MECOM: variants seen among roughly 807,000 people sequenced by gnomAD.
MECOM encodes histone-lysine N-methyltransferase MECOM.
A neutral mutation model predicts 116.3 loss-of-function variants in MECOM; 13 were observed. The ratio of observed to expected loss-of-function variants is 0.11; its 90% CI spans 0.07 to 0.18. The LOEUF (loss-of-function observed/expected upper bound fraction) is 0.18, where lower values mean the gene tolerates loss of function less well. MECOM is among the 10% of genes least tolerant of loss of function. The pLI, the probability that MECOM is intolerant of heterozygous loss-of-function variation, is 1.00. For missense variants in MECOM, 1,299 were observed against 1,509.0 expected, an observed-to-expected ratio of 0.86 and a Z score of 2.31; for synonymous variants, 528 against 535.2, an observed-to-expected ratio of 0.99 and a Z score of 0.19.
At chr3:169,634,941 T>C (rs1028886951) in intron 1 of MECOM, among the ~76,000 whole-genome samples, 6 of 151,800 alleles carry the variant, frequency 4.0e-5, no homozygotes, top group Non-Finnish European at 5.9e-5. Flanking sequence ...AGCACCTTGT[T>C]TTTCTGTTGG....
At chr3:169,384,720 T>C (rs764260304) in intron 1 of MECOM, among the ~76,000 whole-genome samples, 30 of 152,092 alleles carry the variant, frequency 2.0e-4, no homozygotes, top group Non-Finnish European at 3.1e-4. Flanking sequence ...ATTCCTCCCG[T>C]AATTATCTAT....
intron 2 of MECOM, among the ~76,000 whole-genome samples, chr3:169,170,403 C>CAAAA (rs71634426): frequency 8.1e-5 from 6 of 74,358 alleles, no homozygotes; most frequent in Non-Finnish European, 1.3e-4. Context: ...AAGACTCTGT[C>CAAAA]AAAAAAAAAA....
chr3:169,509,763 A>G (rs1474527673), intron 1 of MECOM, among the ~76,000 whole-genome samples: 2 of 152,204 alleles, frequency 1.3e-5, no homozygotes, highest in East Asian at 1.9e-4. Flanking sequence ...TCATCTGCCA[A>G]TGGGCATTTA....
chr3:169,404,526 A>C (rs1736365187), intron 1 of MECOM, among the ~76,000 whole-genome samples: 1 of 152,214 alleles, frequency 6.6e-6, no homozygotes, highest in Admixed American at 6.5e-5. Context: ...ACAATCCAAA[A>C]ATCTTTAAAA....
chr3:169,386,383 A>G (rs1435555466), intron 1 of MECOM, among the ~76,000 whole-genome samples: 1 of 152,202 alleles, frequency 6.6e-6, no homozygotes, highest in African/African-American at 2.4e-5. Context: ...AGCTGAGACT[A>G]GCTGGGTGTC....
At chr3:169,206,743 A>C (rs1424563318) in intron 2 of MECOM, among the ~76,000 whole-genome samples, 3 of 137,166 alleles carry the variant, frequency 2.2e-5, no homozygotes, top group Admixed American at 7.5e-5. Flanking sequence ...CAAGAATGAG[A>C]CTTCCTCTTA....
chr3:169,482,992 C>T (rs1240602776), intron 1 of MECOM, among the ~76,000 whole-genome samples: 4 of 152,010 alleles, frequency 2.6e-5, no homozygotes, highest in Admixed American at 6.6e-5. Flanking sequence ...TAAATATTGA[C>T]AGAGGTTTCA....
chr3:169,643,357 G>A (rs575192035), intron 1 of MECOM, among the ~76,000 whole-genome samples: 1 of 152,196 alleles, frequency 6.6e-6, no homozygotes, highest in Admixed American at 6.5e-5. Flanking sequence ...TTTAAATATT[G>A]AGTTATTAGC....
At chr3:169,103,407 T>C (rs1255686649) in intron 10 of MECOM, among the ~76,000 whole-genome samples, 1 of 152,150 alleles carries the variant, frequency 6.6e-6, no homozygotes, top group Non-Finnish European at 1.5e-5. Flanking sequence ...AAACAAACTT[T>C]CAGGCCATCC....
At chr3:169,261,009 A>G (rs750019440) in intron 2 of MECOM, among the ~76,000 whole-genome samples, 7 of 152,210 alleles carry the variant, frequency 4.6e-5, no homozygotes, top group Admixed American at 1.3e-4. Flanking sequence ...AAACCATTCC[A>G]TGATAATAGA....
At chr3:169,135,688 CA>C (rs1736149003) in intron 3 of MECOM, among the ~76,000 whole-genome samples, 1 of 151,826 alleles carries the variant, frequency 6.6e-6, no homozygotes, top group Admixed American at 6.6e-5. Flanking sequence ...TTCATTTTAT[CA>C]CATAAAAAAT....
At chr3:169,421,850 G>T (rs909561306) in intron 1 of MECOM, among the ~76,000 whole-genome samples, 2 of 152,004 alleles carry the variant, frequency 1.3e-5, no homozygotes, top group African/African-American at 4.8e-5. Context: ...TAAATAGGTG[G>T]ACATGATTAA....
At chr3:169,310,790 T>C (rs1386555689) in intron 2 of MECOM, among the ~76,000 whole-genome samples, 1 of 152,246 alleles carries the variant, frequency 6.6e-6, no homozygotes, top group Non-Finnish European at 1.5e-5. Flanking sequence ...TACTTCTCTT[T>C]TTCTTCCTAA....
At chr3:169,594,746 C>T (rs1011028796) in intron 1 of MECOM, among the ~76,000 whole-genome samples, 2 of 151,650 alleles carry the variant, frequency 1.3e-5, no homozygotes, top group Non-Finnish European at 2.9e-5. Flanking sequence ...TATCCTGAGT[C>T]TCAAAGTTGA....
At chr3:169,128,386 C>T (rs1400822951) in intron 4 of MECOM, among the ~76,000 whole-genome samples, 1 of 152,174 alleles carries the variant, frequency 6.6e-6, no homozygotes, top group Non-Finnish European at 1.5e-5. Context: ...ATGTGGATTA[C>T]TGACATTCCT....
rs1346028001 is a variant in MECOM, at chr3:169,112,784, T to C, written c.2577+3A>G. ...CTGGAAATCTCAAATCCAAAATACT[T>C]ACTTGTGGGTGAAACAAGAATCCTG... On this transcript the variant is annotated splice_donor_region_variant and intron_variant, in intron 9 of 16. Transcript: ENST00000651503. The C allele has an allele frequency of 6.2e-7, 1 of 1,609,422 alleles. No homozygotes were observed. The highest frequency in any genetic ancestry group is 1.3e-5 in the African/African-American group (1 of 74,844).
At chr3:169,653,380 C>A (rs1320726049) in intron 1 of MECOM, among the ~76,000 whole-genome samples, 1 of 152,006 alleles carries the variant, frequency 6.6e-6, no homozygotes, top group Non-Finnish European at 1.5e-5. Context: ...AAGATATATA[C>A]CATGAAGACA....
intron 2 of MECOM, among the ~76,000 whole-genome samples, chr3:169,377,682 G>A (rs1028437890): frequency 2.0e-4 from 31 of 152,200 alleles, no homozygotes; most frequent in Non-Finnish European, 5.9e-5. Context: ...ACAGATGCTG[G>A]AGAGGATGTG....
At chr3:169,146,649 A>C (rs1371225316) in intron 2 of MECOM, 1 of 1,360,318 alleles carries the variant, frequency 7.4e-7, no homozygotes, top group East Asian at 4.0e-5. Context: ...GTGCCCCGGC[A>C]GGAAACTGTC....
Sources: allele counts gnomAD v4.1 joint callset (sites outside exome capture counted in the v4.1 genomes callset), GRCh38; gene constraint gnomAD v4.1.1; transcripts MANE v1.5; gene names NCBI Gene and HGNC (gene_info 2026-07-23, HGNC 2026-07-21).